MRGPRX3: variants seen among roughly 807,000 people sequenced by gnomAD.
MRGPRX3 encodes mas-related G protein-coupled receptor member X3.
Under a neutral mutation model 16.5 loss-of-function variants are expected in MRGPRX3, and 14 were observed. That is an observed-to-expected ratio of 0.85 (90% CI 0.56 to 1.33). The LOEUF (loss-of-function observed/expected upper bound fraction) is 1.33. MRGPRX3 is among the 40% of genes most tolerant of loss of function. MRGPRX3 has a pLI of 0.00. For missense variants in MRGPRX3, 449 were observed against 413.0 expected, an observed-to-expected ratio of 1.09 and a Z score of -0.76; for synonymous variants, 199 against 180.1, an observed-to-expected ratio of 1.10 and a Z score of -0.84.
At position 18,137,443 on chromosome 11, in the gene MRGPRX3, A is replaced by G. The variant is rs201803239; in HGVS notation, c.241A>G (p.Ile81Val). ...CTTCCTCTTCCTTAGCGGCCACATT[A>G]TATGTTCGCCGTTACGCCTCATCAA... Reference protein sequence around the residue: ...ADFLFLSGHIICSPLRLINIR... With the variant: ...ADFLFLSGHIVCSPLRLINIR... The change falls in exon 2 of 2, where the codon ATA becomes GTA. Residue 81 changes from isoleucine to valine, a missense_variant. By Grantham distance (29) the Ile-to-Val change is conservative. Transcript: ENST00000621697. 6.2e-5 allele frequency: 100 copies of G among 1,614,118 alleles called. No homozygotes were observed. In the East Asian group the frequency reaches 1.9e-3, roughly 30 times the overall value.
Position 18,137,454 on chromosome 11 carries a change from G to T in MRGPRX3, c.252G>T (p.Pro84=). Reference sequence around the variant, plus strand: ...TTAGCGGCCACATTATATGTTCGCCGTTACGCCTCATCAATATCCGCCATC... The same window carrying T: ...TTAGCGGCCACATTATATGTTCGCCTTTACGCCTCATCAATATCCGCCATC... The part of the protein sequence containing the change: ...LFLSGHIICS[P]LRLINIRHPI... Residue 84 remains proline (P), a synonymous_variant, in exon 2 of 2, where the codon CCG becomes CCT. Transcript: ENST00000621697. 1 of 1,614,140 alleles carries T rather than the reference G, an allele frequency of 6.2e-7. No homozygotes were observed. Among genetic ancestry groups the T allele is most frequent in the Non-Finnish European group, 8.5e-7 (1 of 1,180,026 alleles).
chr11:18,124,642 A>C (rs1245126852), intron 1 of MRGPRX3, among the ~76,000 whole-genome samples: 3 of 152,004 alleles, frequency 2.0e-5, no homozygotes, highest in South Asian at 2.1e-4. Flanking sequence ...TATTGGTCTA[A>C]AATTCTCTTT....
Position 18,137,943 on chromosome 11 carries a change from A to G in MRGPRX3, c.741A>G (p.Lys247=), listed in dbSNP as rs750776441. The G allele has an allele frequency of 6.2e-7, 1 of 1,613,982 alleles. No homozygotes were observed. Among genetic ancestry groups the G allele is most frequent in the South Asian group, 1.1e-5 (1 of 91,070 alleles). Residue 247 remains lysine (K), a synonymous_variant, in exon 2 of 2, where the codon AAA becomes AAG. Coordinates refer to ENST00000621697, the MANE Select transcript of MRGPRX3 (RefSeq NM_001370464.1). ...TTTCCAGGATCCACCTGGATTGGAA[A>G]GTCTTATTTTGTCATGTGCATCTAG... ...ALFSRIHLDW[K]VLFCHVHLVS...
At chr11:18,130,696 CA>C (rs3072496), upstream of MRGPRX3, among the ~76,000 whole-genome samples, 11,336 of 133,134 alleles carry the variant, frequency 0.085, 463 homozygotes, top group Middle Eastern at 0.13. Flanking sequence ...GAACAACAAC[CA>C]AAAAAAAAAA....
upstream of MRGPRX3, among the ~76,000 whole-genome samples, chr11:18,128,420 C>T (rs1420684144): frequency 6.6e-6 from 1 of 152,254 alleles, no homozygotes; most frequent in African/African-American, 2.4e-5. Context: ...CTGCAGTGGG[C>T]TTCACCCAGT....
chr11:18,122,595 C>A (rs1441251392), intron 1 of MRGPRX3, among the ~76,000 whole-genome samples: 2 of 152,136 alleles, frequency 1.3e-5, no homozygotes, highest in Non-Finnish European at 2.9e-5. Flanking sequence ...ATTTTTGGAT[C>A]TTTGGGTTGG....
rs181382263 is a variant in MRGPRX3 at position 18,127,421 on chromosome 11, A to G, written c.-151-5193A>G. ...TTTCAGATACACCAATCAGACGTAG[A>G]TTTGGTCTTTTTACATAGTCCCATA... On this transcript the variant is annotated intron_variant, in intron 1 of 2. Coordinates refer to the MRGPRX3 transcript ENST00000396275. 1.7e-4 allele frequency among the ~76,000 whole-genome samples: 26 copies of G among 152,328 alleles called. No homozygotes were observed. In the East Asian group the frequency reaches 5.0e-3, roughly 29 times the overall value.
At chr11:18,123,931 C>T (rs1358268552) in intron 1 of MRGPRX3, among the ~76,000 whole-genome samples, 23 of 152,124 alleles carry the variant, frequency 1.5e-4, no homozygotes, top group African/African-American at 5.1e-4. Context: ...TTCCTAGGTT[C>T]TTTATTCTCT....
At chr11:18,127,271 G>T (rs1234516405) in intron 1 of MRGPRX3, among the ~76,000 whole-genome samples, 1 of 152,170 alleles carries the variant, frequency 6.6e-6, no homozygotes, top group Non-Finnish European at 1.5e-5. Context: ...TTCTCGAGGA[G>T]TATCTTTGTG....
At chr11:18,125,070 C>A (rs1848878847) in intron 1 of MRGPRX3, among the ~76,000 whole-genome samples, 1 of 112,728 alleles carries the variant, frequency 8.9e-6, no homozygotes, top group South Asian at 3.8e-4. Context: ...CTATTTGATT[C>A]TTCTCTCTTT....
intron 1 of MRGPRX3, 81 bp from the exon 2 acceptor site, chr11:18,137,097 G>A (rs775682904): frequency 2.2e-5 from 31 of 1,377,974 alleles, no homozygotes; most frequent in African/African-American, 2.9e-5. Flanking sequence ...TTTAAATGAG[G>A]ACAGTAAATC....
At chr11:18,129,029 A>G (rs931435388), upstream of MRGPRX3, among the ~76,000 whole-genome samples, 4 of 152,198 alleles carry the variant, frequency 2.6e-5, no homozygotes, top group African/African-American at 9.7e-5. Context: ...AAACCTCTGA[A>G]ATACAGCAAA....
rs143979464 is a variant in MRGPRX3 at position 18,133,424 on chromosome 11, G to C, written c.-26+685G>C. Among the ~76,000 whole-genome samples the C allele has an allele frequency of 4.4e-3, 665 of 152,328 alleles. 10 individuals carry two copies. Among genetic ancestry groups the C allele is most frequent in the East Asian group, 0.02 (102 of 5,182 alleles). Reference sequence around the variant, plus strand: ...ATCTGTGTTCCCACCAAAATCTCATGTTGATTGTAATTTCCAATGTTGGAG... The same window carrying C: ...ATCTGTGTTCCCACCAAAATCTCATCTTGATTGTAATTTCCAATGTTGGAG... On this transcript the variant is annotated intron_variant, in intron 1 of 1. Transcript: ENST00000621697.
rs757362213 is a variant in MRGPRX3, at chr11:18,137,496, C to A, written c.294C>A (p.Leu98=). The change falls in exon 2 of 2, where the codon CTC becomes CTA. Residue 98 remains leucine, a synonymous_variant. Transcript: ENST00000621697. ...TCCGCCATCCCATCTCCAAAATCCTCAGTCCTGTGATGACCTTTCCCTACT... is the reference window on the plus strand; with the variant it reads ...TCCGCCATCCCATCTCCAAAATCCTAAGTCCTGTGATGACCTTTCCCTACT... ...INIRHPISKI[L]SPVMTFPYFI... 5.6e-6 allele frequency: 9 copies of A among 1,613,988 alleles called. No homozygotes were observed. The highest frequency in any genetic ancestry group is 7.6e-6 in the Non-Finnish European group (9 of 1,180,006).
upstream of MRGPRX3, among the ~76,000 whole-genome samples, chr11:18,128,228 G>A (rs538645036): frequency 2.0e-5 from 3 of 152,316 alleles, no homozygotes; most frequent in East Asian, 5.8e-4. Context: ...TGGGGTCAGG[G>A]ACTCACTTGA....
chr11:18,137,403 C>T lies in MRGPRX3; in HGVS notation c.201C>T (p.Asn67=), dbSNP rs1396215732. Residue 67 remains asparagine (N), a synonymous_variant, in exon 2 of 2, where the codon AAC becomes AAT. Coordinates refer to ENST00000621697, the MANE Select transcript of MRGPRX3 (RefSeq NM_001370464.1). ...ACGCTGTCTCCATCTACATCCTCAA[C>T]CTGGTCGCGGCCGACTTCCTCTTCC... ...RRNAVSIYIL[N]LVAADFLFLS... is the part of the protein sequence containing the mutation. The T allele has an allele frequency of 1.2e-6, 2 of 1,614,210 alleles. No homozygotes were observed. Among genetic ancestry groups the T allele is most frequent in the East Asian group, 2.2e-5 (1 of 44,886 alleles).
intron 1 of MRGPRX3, among the ~76,000 whole-genome samples, chr11:18,123,796 G>A (rs540607078): frequency 1.4e-4 from 21 of 152,266 alleles, no homozygotes; most frequent in African/African-American, 4.6e-4. Context: ...CCATTTTCAC[G>A]ATATTGCTTC....
At chr11:18,125,739 TC>T (rs1159523877) in intron 1 of MRGPRX3, among the ~76,000 whole-genome samples, 2 of 152,206 alleles carry the variant, frequency 1.3e-5, no homozygotes, top group African/African-American at 4.8e-5. Context: ...GTCTTGGATA[TC>T]CTTGTTAATT....
At chr11:18,136,642 G>A (rs1344877633) in intron 1 of MRGPRX3, among the ~76,000 whole-genome samples, 1 of 152,156 alleles carries the variant, frequency 6.6e-6, no homozygotes, top group Non-Finnish European at 1.5e-5. Flanking sequence ...TATGGAATAG[G>A]CACTAGGAGT....
Sources: gnomAD v4.1 joint callset for allele counts (sites outside exome capture counted in the v4.1 genomes callset) on GRCh38, gnomAD v4.1.1 for gene constraint, MANE v1.5 for transcripts, NCBI Gene and HGNC (gene_info 2026-07-23, HGNC 2026-07-21) for gene names.